Variants in ACTR3 observed in about 807,000 individuals in gnomAD.
ACTR3 encodes actin-related protein 3.
A neutral mutation model predicts 56.8 loss-of-function variants in ACTR3; 12 were observed. The ratio of observed to expected loss-of-function variants is 0.21; its 90% CI spans 0.14 to 0.34. ACTR3 has a LOEUF of 0.34. Among genes scored for constraint, ACTR3 ranks in the 10% least tolerant of loss-of-function variants. ACTR3 has a pLI of 1.00. For synonymous variants in ACTR3, 162 were observed against 167.4 expected (o/e 0.97, Z 0.25); for missense variants, 282 against 512.5 (o/e 0.55, Z 4.34).
intron 10 of ACTR3, chr2:113,953,695 C>A (rs1215853359): frequency 1.3e-5 from 2 of 152,100 alleles, no homozygotes; most frequent in Admixed American, 6.6e-5. Flanking sequence ...TGTACACACA[C>A]ACACACACTA....
chr2:113,938,170 A>AT (rs1170760806), intron 6 of ACTR3, among the ~76,000 whole-genome samples: 1 of 150,790 alleles, frequency 6.6e-6, no homozygotes, highest in Non-Finnish European at 1.5e-5. Context: ...TAGATACTGT[A>AT]TTTTTTTCTT....
intron 8 of ACTR3, among the ~76,000 whole-genome samples, chr2:113,942,581 T>A (rs1389499489): frequency 6.6e-6 from 1 of 152,064 alleles, no homozygotes; most frequent in East Asian, 1.9e-4. Flanking sequence ...AAAAACTTTT[T>A]AAAAAATATG....
chr2:113,894,889 T>C (rs541026966), intron 1 of ACTR3, among the ~76,000 whole-genome samples: 26 of 152,322 alleles, frequency 1.7e-4, no homozygotes, highest in African/African-American at 5.8e-4. Flanking sequence ...CTGTTAACAC[T>C]CCGGGGACTC....
At chr2:113,890,666 C>G in intron 1 of ACTR3, 1 of 1,191,804 alleles carries the variant, frequency 8.4e-7, no homozygotes, top group Non-Finnish European at 1.0e-6. Flanking sequence ...CCGGGCCCGA[C>G]CCATCCGGCT....
intron 8 of ACTR3, 41 bp downstream of exon 8, chr2:113,942,400 C>T (rs1185613011): frequency 7.4e-7 from 1 of 1,359,410 alleles, no homozygotes; most frequent in Admixed American, 2.5e-5. Flanking sequence ...TATTCAGCAG[C>T]AAATATGAAT....
At position 113,942,229 on chromosome 2, in the gene ACTR3, A is replaced by T; in HGVS notation, c.728A>T (p.Asn243Ile). 1.3e-6 allele frequency: 2 copies of T among 1,589,300 alleles called. No individual in the cohort carries two copies. The highest frequency in any genetic ancestry group is 1.7e-6 in the Non-Finnish European group (2 of 1,172,268). The change falls in exon 8 of 12, where the codon AAC becomes ATC. Residue 243 changes from asparagine to isoleucine, a missense_variant. Coordinates refer to ENST00000263238, the MANE Select transcript of ACTR3 (RefSeq NM_005721.5). The part of the protein sequence containing the change: ...YVCPDLVKEF[N>I]KYDTDGSKWI... The stretch of plus-strand genomic sequence containing the variant: ...TGCCCAGATTTAGTAAAAGAATTTA[A>T]CAAGTATGATACAGATGGGTCAAAA...
chr2:113,945,588 T>A (rs1344533158), intron 8 of ACTR3, among the ~76,000 whole-genome samples: 3 of 152,218 alleles, frequency 2.0e-5, no homozygotes, highest in Admixed American at 2.0e-4. Flanking sequence ...GTGATTCTTT[T>A]CCCTTAAAAT....
At chr2:113,891,322 G>A (rs896807940) in intron 1 of ACTR3, among the ~76,000 whole-genome samples, 1 of 152,150 alleles carries the variant, frequency 6.6e-6, no homozygotes, top group Admixed American at 6.5e-5. Context: ...GTATATAGGA[G>A]GGTGTTTAAG....
At chr2:113,896,778 C>T (rs1285351757) in intron 1 of ACTR3, among the ~76,000 whole-genome samples, 11 of 152,180 alleles carry the variant, frequency 7.2e-5, no homozygotes, top group East Asian at 3.8e-4. Flanking sequence ...CTGATTGGCT[C>T]GTGGTAATTG....
intron 1 of ACTR3, among the ~76,000 whole-genome samples, chr2:113,895,661 T>C (rs1678993177): frequency 6.6e-6 from 1 of 152,204 alleles, no homozygotes; most frequent in Non-Finnish European, 1.5e-5. Flanking sequence ...AGGAAAAGAT[T>C]GGTTTTTTCC....
chr2:113,951,973 G>A, intron 10 of ACTR3, 128 bp downstream of exon 10: 1 of 1,187,080 alleles, frequency 8.4e-7, no homozygotes, highest in Non-Finnish European at 1.2e-6. Flanking sequence ...AATGGAAATG[G>A]TTAATGTTAT....
At chr2:113,923,747 C>A (rs1240055478) in intron 3 of ACTR3, among the ~76,000 whole-genome samples, 1 of 111,966 alleles carries the variant, frequency 8.9e-6, no homozygotes. Flanking sequence ...TTTTTTTTTT[C>A]TCTTCTCATA....
At chr2:113,890,045 A>T (rs1341345894), upstream of ACTR3, 3 of 550,772 alleles carry the variant, frequency 5.4e-6, no homozygotes. Flanking sequence ...AGAGAGGGGG[A>T]GGAGGCCGCG....
intron 3 of ACTR3, among the ~76,000 whole-genome samples, chr2:113,924,235 A>T (rs1679574874): frequency 6.6e-6 from 1 of 151,482 alleles, no homozygotes; most frequent in African/African-American, 2.4e-5. Context: ...ACACCTGGCT[A>T]ATTAAAAATT....
chr2:113,946,536 C>T (rs1574381479), intron 8 of ACTR3, among the ~76,000 whole-genome samples: 1 of 151,922 alleles, frequency 6.6e-6, no homozygotes, highest in East Asian at 1.9e-4. Flanking sequence ...ATGTCCTTTG[C>T]CCACTTTTTA....
chr2:113,901,403 G>C (rs1278122525), intron 1 of ACTR3, among the ~76,000 whole-genome samples: 1 of 152,164 alleles, frequency 6.6e-6, no homozygotes, highest in Non-Finnish European at 1.5e-5. Flanking sequence ...TTTGGGCTTT[G>C]GTATTGTATG....
intron 4 of ACTR3, among the ~76,000 whole-genome samples, chr2:113,927,958 GCAAACATTTTC>G (rs1679650458): frequency 6.6e-6 from 1 of 151,924 alleles, no homozygotes; most frequent in Non-Finnish European, 1.5e-5. Context: ...TTCCCCGGAG[GCAAACATTTTC>G]AATTTTAACA....
At chr2:113,913,272 C>T (rs1337632551) in intron 2 of ACTR3, 45 bp downstream of exon 2, 3 of 1,331,284 alleles carry the variant, frequency 2.3e-6, no homozygotes, top group Non-Finnish European at 1.0e-6. Flanking sequence ...TTAAAAGATC[C>T]CCTTCCCTAA....
intron 1 of ACTR3, among the ~76,000 whole-genome samples, chr2:113,891,701 C>G (rs1346421958): frequency 6.6e-6 from 1 of 151,094 alleles, no homozygotes; most frequent in African/African-American, 2.4e-5. Context: ...TGTGAAATTT[C>G]TTTAATCTTC....
Sources: gnomAD v4.1 joint callset for allele counts (sites outside exome capture counted in the v4.1 genomes callset) on GRCh38, gnomAD v4.1.1 for gene constraint, MANE v1.5 for transcripts, NCBI Gene and HGNC (gene_info 2026-07-23, HGNC 2026-07-21) for gene names.